LSR: variants seen among roughly 807,000 people sequenced by gnomAD.
The protein encoded by LSR is lipolysis stimulated lipoprotein receptor, also known as lipolysis-stimulated lipoprotein receptor.
Under a neutral mutation model 61.8 loss-of-function variants are expected in LSR, and 44 were observed. The ratio of observed to expected loss-of-function variants is 0.71; its 90% CI spans 0.56 to 0.91. The LOEUF is 0.91. Ranked by LOEUF, LSR falls within the 40% of genes least tolerant of loss-of-function variation. The pLI is 0.00. For missense variants in LSR, 911 were observed against 830.5 expected (o/e 1.10, Z -1.19); for synonymous variants, 397 against 350.6 (o/e 1.13, Z -1.48).
chr19:35,250,465 G>C lies in LSR; in HGVS notation c.260G>C (p.Arg87Pro), dbSNP rs141980234. Residue 87 changes from arginine (R) to proline (P), a missense_variant, in exon 2 of 10, where the codon CGC (arginine) becomes CCC (proline). Physicochemically the swap from Arg to Pro is moderately radical, Grantham distance 103. Coordinates refer to ENST00000605618, the MANE Select transcript of LSR (RefSeq NM_205834.4). ...AAGTACAAGTCTTTCTGCCGGGACC[G>C]CATCGCCGATGCCTTCTCCCCGGCC... ...IWKYKSFCRD[R>P]IADAFSPASV... 59 of 1,614,046 alleles carry C rather than the reference G, an allele frequency of 3.7e-5. No homozygotes were observed. In the African/African-American group the frequency reaches 7.3e-4, roughly 20 times the overall value.
chr19:35,257,978 A>G (rs1294877063), intron 2 of LSR, among the ~76,000 whole-genome samples: 1 of 152,124 alleles, frequency 6.6e-6, no homozygotes, highest in Non-Finnish European at 1.5e-5. Context: ...TCTCTCCCAC[A>G]TAGACACACC....
intron 1 of LSR, 136 bp from the exon 2 acceptor site, chr19:35,250,179 C>T (rs2065772224): frequency 1.8e-6 from 1 of 568,562 alleles, no homozygotes; most frequent in African/African-American, 1.9e-5. Flanking sequence ...CTGGTCCTGG[C>T]AATTAAGGAA....
Position 35,267,378 on chromosome 19 carries a change from A to C in LSR, c.1414A>C (p.Ser472Arg). 2 of 1,600,852 alleles carry C rather than the reference A, an allele frequency of 1.2e-6. No individual in the cohort carries two copies. The highest frequency in any genetic ancestry group is 1.7e-6 in the Non-Finnish European group (2 of 1,174,410). ...SRSPTSNGGR[S>R]RAYMPPRSRS... ...GTCTCCCACGAGTAATGGTGGGAGAAGCCGGGCCTACATGCCCCCGCGGAG... is the reference window on the plus strand; with the variant it reads ...GTCTCCCACGAGTAATGGTGGGAGACGCCGGGCCTACATGCCCCCGCGGAG... The change falls in exon 9 of 10, where the codon AGC (serine) becomes CGC (arginine). Residue 472 changes from serine to arginine, a missense_variant. Coordinates refer to ENST00000605618, the MANE Select transcript of LSR (RefSeq NM_205834.4).
In LSR at chr19:35,266,981, T is replaced by G; in HGVS notation, c.1144+14T>G. On this transcript the variant is annotated intron_variant, in intron 8 of 9. Transcript: ENST00000605618. ...GTGTGGAGCGGGGTAAGCAGGAGCC[T>G]TGGGGTCTGAGGGCTTTTAAGGTGG... The G allele has an allele frequency of 6.2e-7, 1 of 1,603,898 alleles. No individual in the cohort carries two copies. The highest frequency in any genetic ancestry group is 8.5e-7 in the Non-Finnish European group (1 of 1,175,694).
Position 35,250,662 on chromosome 19 carries a change from A to C in LSR, c.454+3A>C. 1 of 1,548,856 alleles carries C rather than the reference A, an allele frequency of 6.5e-7. No individual in the cohort carries two copies. The highest frequency in any genetic ancestry group is 8.8e-7 in the Non-Finnish European group (1 of 1,140,144). ...CCGGAGGATTACCATCACCGGAAGT[A>C]TGTTGGGCAGGGCAGGGGGATGAGG... On this transcript the variant is annotated splice_donor_region_variant and intron_variant, in intron 2 of 9. Transcript: ENST00000605618.
At chr19:35,249,319 C>T (rs981260585) in intron 1 of LSR, 188 bp downstream of exon 1, 5 of 651,438 alleles carry the variant, frequency 7.7e-6, no homozygotes, top group Non-Finnish European at 1.2e-5. Flanking sequence ...CCGGGGAGCG[C>T]TCCCCGCGCC....
In LSR at chr19:35,263,369, T is replaced by C. The variant is rs1026267152; in HGVS notation, c.778+677T>C. On this transcript the variant is annotated intron_variant, in intron 5 of 9. Transcript: ENST00000605618. ...TACATGATTTAAGCAAAAAAAATTT[T>C]TTTTGTTTTAGAGAAAGGGTCTCAT... Among the ~76,000 whole-genome samples, 104 of 152,250 alleles carry C rather than the reference T, an allele frequency of 6.8e-4. 1 individual carries two copies. The highest frequency in any genetic ancestry group is 2.4e-3 in the African/African-American group (100 of 41,566).
At chr19:35,261,864 G>C (rs531413952) in intron 3 of LSR, 61 bp from the exon 4 acceptor site, 3 of 1,225,442 alleles carry the variant, frequency 2.4e-6, no homozygotes, top group East Asian at 2.8e-5. Context: ...TGGGCTTTCG[G>C]GGGTGGCACA....
intron 2 of LSR, among the ~76,000 whole-genome samples, chr19:35,258,034 C>A (rs939820753): frequency 6.6e-6 from 1 of 152,104 alleles, no homozygotes; most frequent in East Asian, 1.9e-4. Flanking sequence ...TAGAATCTGG[C>A]CTGTTTATCT....
At chr19:35,259,223 T>G (rs1379008251) in intron 3 of LSR, 159 bp downstream of exon 3, 5 of 894,674 alleles carry the variant, frequency 5.6e-6, no homozygotes, top group Non-Finnish European at 8.1e-6. Context: ...TAGGCTCCCC[T>G]GTGCCCTGCA....
chr19:35,260,613 G>A (rs910587763), intron 3 of LSR, among the ~76,000 whole-genome samples: 3 of 152,080 alleles, frequency 2.0e-5, no homozygotes, highest in Non-Finnish European at 4.4e-5. Flanking sequence ...GATTTTTCAA[G>A]CCCAAGATAC....
chr19:35,266,673 C>T lies in LSR; in HGVS notation c.953-6C>T, dbSNP rs968425498. On this transcript the variant is annotated splice_polypyrimidine_tract_variant and splice_region_variant and intron_variant, in intron 6 of 9. Transcript: ENST00000605618. ...TGCGCGGCCACTGACAGCCACTCTC[C>T]CCCAGCTGGTGGCCAAGGCTCCTAT... 5.0e-6 allele frequency: 8 copies of T among 1,606,644 alleles called. No homozygotes were observed. In the African/African-American group the frequency reaches 1.1e-4, roughly 21 times the overall value.
intron 2 of LSR, among the ~76,000 whole-genome samples, chr19:35,257,963 G>A (rs887202170): frequency 6.6e-6 from 1 of 152,112 alleles, no homozygotes; most frequent in Admixed American, 6.5e-5. Context: ...GGGAGGGTAA[G>A]TCTCTCTCTC....
intron 5 of LSR, chr19:35,264,920 G>A (rs1489707819): frequency 6.6e-6 from 1 of 150,526 alleles, no homozygotes; most frequent in Non-Finnish European, 1.5e-5. Context: ...CAGGGCACCA[G>A]TCAGAGCCCT....
chr19:35,258,457 A>AC (rs1555750303), intron 2 of LSR, among the ~76,000 whole-genome samples: 81 of 129,070 alleles, frequency 6.3e-4, no homozygotes, highest in Middle Eastern at 3.9e-3. Context: ...GATTCAAACA[A>AC]AAAAAAAAAA....
rs141619202 is a variant in LSR, at chr19:35,262,607, C to T, written c.693C>T (p.Ile231=). The T allele has an allele frequency of 3.0e-3, 4,864 of 1,614,232 alleles. 21 individuals carry two copies. Among genetic ancestry groups the T allele is most frequent in the Admixed American group, 3.1e-3 (187 of 60,030 alleles). The change falls in exon 5 of 10, where the codon ATC becomes ATT. Residue 231 remains isoleucine (I), a synonymous_variant. Coordinates refer to ENST00000605618, the MANE Select transcript of LSR (RefSeq NM_205834.4). ...AAFLIFLLLG[I]CWCQCCPHTC... ...TCCTCATCTTCCTCCTCCTGGGCAT[C>T]TGCTGGTGCCAGTGCTGCCCGCACA...
chr19:35,258,781 C>T (rs1173601264), intron 2 of LSR, among the ~76,000 whole-genome samples, 164 bp from the exon 3 acceptor site: 5 of 152,138 alleles, frequency 3.3e-5, no homozygotes, highest in Non-Finnish European at 5.9e-5. Flanking sequence ...TGTAAAAGGC[C>T]GTGTGCCCTT....
chr19:35,267,786 CCCCGCGGCTCATA>C, intron 9 of LSR, 25 bp from the exon 10 acceptor site: 1 of 1,613,930 alleles, frequency 6.2e-7, no homozygotes, highest in Non-Finnish European at 8.5e-7. Flanking sequence ...CCCAGCCGGT[CCCCGCGGCTCATA>C]CCCTTCTTTC....
chr19:35,264,389 T>G (rs1046493626), intron 5 of LSR: 12 of 152,222 alleles, frequency 7.9e-5, no homozygotes, highest in African/African-American at 2.9e-4. Context: ...TGTGAATGTT[T>G]GTGAATATCC....
Sources: gnomAD v4.1 joint callset for allele counts (sites outside exome capture counted in the v4.1 genomes callset) on GRCh38, gnomAD v4.1.1 for gene constraint, MANE v1.5 for transcripts, NCBI Gene and HGNC (gene_info 2026-07-23, HGNC 2026-07-21) for gene names.